The following DCC variants were observed in gnomAD, a reference collection of about 807,000 sequenced individuals.
DCC encodes DCC netrin 1 receptor.
DCC carries 58 observed loss-of-function variants against 172.5 expected under a neutral mutation model. The ratio of observed to expected loss-of-function variants is 0.34; its 90% CI spans 0.27 to 0.42. The LOEUF (loss-of-function observed/expected upper bound fraction) is 0.42, where lower values mean the gene tolerates loss of function less well. Among genes scored for constraint, DCC ranks in the 10% least tolerant of loss-of-function variants. The probability of loss-of-function intolerance (pLI) is 1.00; values close to 1 mark genes in which losing one functional copy is unlikely to be tolerated. For synonymous variants in DCC, 709 were observed against 644.5 expected (o/e 1.10, Z -1.52); for missense variants, 1,740 against 1,791.0 (o/e 0.97, Z 0.51).
chr18:53,473,624 C>A (rs1485119550), intron 25 of DCC, among the ~76,000 whole-genome samples: 1 of 152,046 alleles, frequency 6.6e-6, no homozygotes, highest in African/African-American at 2.4e-5. Flanking sequence ...TTCATTTAAT[C>A]CTCACAATAT....
At chr18:53,011,261 T>C (rs919001425) in intron 5 of DCC, among the ~76,000 whole-genome samples, 2 of 151,706 alleles carry the variant, frequency 1.3e-5, no homozygotes, top group Non-Finnish European at 3.0e-5. Flanking sequence ...CACAAAAATC[T>C]TTTAAAATAT....
intron 1 of DCC, among the ~76,000 whole-genome samples, chr18:52,486,405 C>T (rs552701335): frequency 1.3e-5 from 2 of 152,206 alleles, no homozygotes; most frequent in South Asian, 2.1e-4. Flanking sequence ...ACAGCTAGAC[C>T]TGATATACAC....
intron 27 of DCC, among the ~76,000 whole-genome samples, chr18:53,523,595 C>A (rs1173741812): frequency 6.6e-6 from 1 of 152,134 alleles, no homozygotes; most frequent in Non-Finnish European, 1.5e-5. Flanking sequence ...AGGATGAGTT[C>A]ATGTCCTTTG....
At position 53,391,897 on chromosome 18, in the gene DCC, T is replaced by C; in HGVS notation, c.2688+10T>C. 1.4e-6 allele frequency: 2 copies of C among 1,418,754 alleles called. No homozygotes were observed. The highest frequency in any genetic ancestry group is 2.3e-5 in the South Asian group (2 of 87,062). The allele number at this position is 1,418,754 out of a possible 1,614,324, so 87.9% of individuals were successfully genotyped here. A position where few individuals can be genotyped will look rare whatever the true frequency, so the allele number is the denominator to read the frequency against. On this transcript the variant is annotated intron_variant, in intron 17 of 28. Coordinates refer to ENST00000442544, the MANE Select transcript of DCC (RefSeq NM_005215.4). ...AAGTGCAAAATACAAGGTGAAGTTC[T>C]AATTGATAGCATGAAATTTAAAATG...
At chr18:53,120,780 CCTT>C (rs374189638) in intron 7 of DCC, among the ~76,000 whole-genome samples, 160 of 151,682 alleles carry the variant, frequency 1.1e-3, no homozygotes, top group African/African-American at 3.2e-3. Context: ...ACTAATTTTT[CCTT>C]CTTGGTTGGG....
At chr18:53,083,128 A>G (rs1599109832) in intron 7 of DCC, among the ~76,000 whole-genome samples, 1 of 152,108 alleles carries the variant, frequency 6.6e-6, no homozygotes. Context: ...ATTCTCTGCT[A>G]TCTGTTTCAA....
chr18:53,064,213 TC>T (rs1233462582), intron 6 of DCC, among the ~76,000 whole-genome samples: 2 of 152,272 alleles, frequency 1.3e-5, no homozygotes, highest in African/African-American at 4.8e-5. Context: ...CTCAATACCT[TC>T]CATTATTGTA....
chr18:52,951,575 C>T (rs1217477948), intron 5 of DCC, among the ~76,000 whole-genome samples: 1 of 152,138 alleles, frequency 6.6e-6, no homozygotes, highest in Non-Finnish European at 1.5e-5. Flanking sequence ...AGAATGATGG[C>T]TTCCAGCTTC....
intron 1 of DCC, among the ~76,000 whole-genome samples, chr18:52,637,884 G>C (rs1407213619): frequency 1.3e-5 from 2 of 152,124 alleles, no homozygotes. Context: ...CCAAAGTTAA[G>C]ATGAAGGAAA....
At chr18:52,859,133 C>CA (rs35988635) in intron 2 of DCC, among the ~76,000 whole-genome samples, 1,889 of 147,100 alleles carry the variant, frequency 0.013, 10 homozygotes, top group Middle Eastern at 0.025. Flanking sequence ...CCTGTCTCTG[C>CA]AAAAAAAAAA....
chr18:52,612,428 A>G (rs78081708), intron 1 of DCC, among the ~76,000 whole-genome samples: 11,191 of 150,362 alleles, frequency 0.074, 480 homozygotes, highest in Middle Eastern at 0.12. Context: ...CATTGCTCCC[A>G]CTATAGTCAG....
At chr18:52,750,984 AG>A (rs1293708680) in intron 1 of DCC, among the ~76,000 whole-genome samples, 3 of 152,240 alleles carry the variant, frequency 2.0e-5, no homozygotes, top group Non-Finnish European at 4.4e-5. Flanking sequence ...GGGCTCTTAA[AG>A]AAAATGTCCA....
chr18:52,446,745 G>C (rs1988136858), intron 1 of DCC, among the ~76,000 whole-genome samples: 1 of 152,182 alleles, frequency 6.6e-6, no homozygotes, highest in Non-Finnish European at 1.5e-5. Flanking sequence ...TTTTGTGTGT[G>C]TGTATTGCTG....
chr18:52,568,506 T>A (rs1010919468), intron 1 of DCC, among the ~76,000 whole-genome samples: 4 of 152,188 alleles, frequency 2.6e-5, no homozygotes, highest in Non-Finnish European at 1.5e-5. Context: ...ATGAAGTTCC[T>A]CTAATAGAGA....
intron 22 of DCC, among the ~76,000 whole-genome samples, chr18:53,441,592 C>T (rs1220870519): frequency 6.6e-6 from 1 of 152,158 alleles, no homozygotes; most frequent in African/African-American, 2.4e-5. Context: ...GAACCTGAGT[C>T]TCTCATTCTT....
At chr18:53,470,460 T>C (rs1443155556) in intron 25 of DCC, among the ~76,000 whole-genome samples, 1 of 152,174 alleles carries the variant, frequency 6.6e-6, no homozygotes, top group East Asian at 1.9e-4. Context: ...TTGTTCCAGC[T>C]TCTGACCATT....
chr18:53,362,528 C>T (rs2057959146), intron 15 of DCC, among the ~76,000 whole-genome samples: 1 of 152,254 alleles, frequency 6.6e-6, no homozygotes, highest in South Asian at 2.1e-4. Flanking sequence ...TCATGGCCTT[C>T]ACAAGAAAAA....
At chr18:53,135,427 T>G (rs1476066213) in intron 7 of DCC, among the ~76,000 whole-genome samples, 1 of 152,202 alleles carries the variant, frequency 6.6e-6, no homozygotes, top group African/African-American at 2.4e-5. Flanking sequence ...GTATATTTTA[T>G]GCAGGAAAGG....
At chr18:52,637,702 C>A (rs572205465) in intron 1 of DCC, among the ~76,000 whole-genome samples, 5 of 152,248 alleles carry the variant, frequency 3.3e-5, no homozygotes, top group Admixed American at 3.3e-4. Context: ...AATCTGTGTT[C>A]CTGAGGAAGA....
Sources: allele counts gnomAD v4.1 joint callset (sites outside exome capture counted in the v4.1 genomes callset), GRCh38; gene constraint gnomAD v4.1.1; transcripts MANE v1.5; gene names NCBI Gene and HGNC (gene_info 2026-07-23, HGNC 2026-07-21).